BTBD9: variants seen among roughly 807,000 people sequenced by gnomAD.
BTBD9 encodes the protein BTB/POZ domain-containing protein 9.
In BTBD9, 49 loss-of-function variants were observed where a neutral mutation model predicts 64.3. The ratio of observed to expected loss-of-function variants is 0.76; its 90% CI spans 0.61 to 0.97. The LOEUF is 0.97. Among genes scored for constraint, BTBD9 ranks in the 50% least tolerant of loss-of-function variants. The pLI is 0.00. For synonymous variants in BTBD9, 260 were observed against 274.7 expected (o/e 0.95, Z 0.53); for missense variants, 598 against 762.1 (o/e 0.78, Z 2.53).
At chr6:38,577,251 T>G (rs1359448276) in intron 6 of BTBD9, among the ~76,000 whole-genome samples, 2 of 152,214 alleles carry the variant, frequency 1.3e-5, no homozygotes, top group Admixed American at 6.5e-5. Flanking sequence ...ATGCACCCCC[T>G]AACAATAATT....
chr6:38,198,082 GA>G (rs1252673227), intron 9 of BTBD9, among the ~76,000 whole-genome samples: 19 of 152,180 alleles, frequency 1.2e-4, no homozygotes, highest in Admixed American at 1.2e-3. Flanking sequence ...CAATTCTGGG[GA>G]TAAGTATGTG....
At chr6:38,550,923 T>C (rs1213851608) in intron 6 of BTBD9, among the ~76,000 whole-genome samples, 1 of 152,168 alleles carries the variant, frequency 6.6e-6, no homozygotes, top group East Asian at 1.9e-4. Flanking sequence ...CTTATACTAC[T>C]TTCTCTTCAG....
chr6:38,436,709 T>C lies in BTBD9; in HGVS notation c.1155-91616A>G, dbSNP rs1476182706. 1.3e-5 allele frequency among the ~76,000 whole-genome samples: 2 copies of C among 150,018 alleles called. 1 individual carries two copies. Among genetic ancestry groups the C allele is most frequent in the African/African-American group, 5.1e-5 (2 of 39,396 alleles). On this transcript the variant is annotated intron_variant, in intron 6 of 10. Transcript: ENST00000481247. ...AATTTGGATATATGTTGACATCAAC[T>C]TTCTCATTCAAGGGGTTTTTCATAA...
intron 6 of BTBD9, among the ~76,000 whole-genome samples, chr6:38,423,367 C>T (rs1323874169): frequency 6.6e-6 from 1 of 152,056 alleles, no homozygotes; most frequent in Non-Finnish European, 1.5e-5. Context: ...TACAGTGGCA[C>T]GATCTCAGCT....
chr6:38,297,840 T>C (rs1762214788), intron 7 of BTBD9, among the ~76,000 whole-genome samples: 1 of 150,832 alleles, frequency 6.6e-6, no homozygotes, highest in African/African-American at 2.4e-5. Context: ...GCTCCAGTTT[T>C]CTTTTTTTTT....
chr6:38,363,430 T>C (rs1765053420), intron 6 of BTBD9, among the ~76,000 whole-genome samples: 1 of 152,166 alleles, frequency 6.6e-6, no homozygotes, highest in Non-Finnish European at 1.5e-5. Flanking sequence ...ACCTAAACAA[T>C]TAGTTGAGCA....
intron 6 of BTBD9, among the ~76,000 whole-genome samples, chr6:38,435,958 C>T (rs1025795188): frequency 4.0e-5 from 6 of 151,716 alleles, no homozygotes; most frequent in Admixed American, 2.0e-4. Context: ...TATGAGCCAC[C>T]TCACCCAGCC....
chr6:38,537,384 C>G lies in BTBD9; in HGVS notation c.1154+40216G>C, dbSNP rs150358610. ...GTTTGAATTTCTTTTTATTATCTTC[C>G]ACAAATGGCCAGCAGGCCTTCTGAT... On this transcript the variant is annotated intron_variant, in intron 6 of 10. Coordinates refer to ENST00000481247, the MANE Select transcript of BTBD9 (RefSeq NM_001099272.2). Among the ~76,000 whole-genome samples, 107 of 152,302 alleles carry G rather than the reference C, an allele frequency of 7.0e-4. 1 individual carries two copies. Among genetic ancestry groups the G allele is most frequent in the African/African-American group, 2.5e-3 (103 of 41,570 alleles).
At chr6:38,217,874 T>C (rs959125305) in intron 9 of BTBD9, among the ~76,000 whole-genome samples, 42 of 152,078 alleles carry the variant, frequency 2.8e-4, no homozygotes, top group Admixed American at 1.1e-3. Flanking sequence ...TGGCAGAGGC[T>C]GCTGTAAACT....
At chr6:38,348,463 T>G (rs562588482) in intron 6 of BTBD9, among the ~76,000 whole-genome samples, 2 of 152,214 alleles carry the variant, frequency 1.3e-5, no homozygotes, top group Non-Finnish European at 2.9e-5. Flanking sequence ...AGATATCCTT[T>G]GTTCTTGCTG....
chr6:38,485,090 T>C (rs1348793886), intron 6 of BTBD9, among the ~76,000 whole-genome samples: 1 of 152,254 alleles, frequency 6.6e-6, no homozygotes, highest in Non-Finnish European at 1.5e-5. Context: ...GCCTAAATCT[T>C]TTGTTCTAGA....
At chr6:38,436,023 C>T (rs1019062490) in intron 6 of BTBD9, among the ~76,000 whole-genome samples, 17 of 151,768 alleles carry the variant, frequency 1.1e-4, no homozygotes, top group Non-Finnish European at 2.2e-4. Context: ...TATTAACATT[C>T]TAAGTACAAA....
intron 9 of BTBD9, among the ~76,000 whole-genome samples, chr6:38,209,112 C>G (rs1251056271): frequency 6.6e-6 from 1 of 152,212 alleles, no homozygotes; most frequent in Non-Finnish European, 1.5e-5. Flanking sequence ...GAAGATCTGG[C>G]ATGCATGAGT....
At chr6:38,622,388 TG>T (rs1562433839) in intron 1 of BTBD9, among the ~76,000 whole-genome samples, 1 of 152,226 alleles carries the variant, frequency 6.6e-6, no homozygotes, top group Non-Finnish European at 1.5e-5. Context: ...TCCTAATTCA[TG>T]AAATAATTCC....
chr6:38,450,169 C>A (rs894765757), intron 6 of BTBD9, among the ~76,000 whole-genome samples: 2 of 152,150 alleles, frequency 1.3e-5, no homozygotes, highest in African/African-American at 4.8e-5. Flanking sequence ...GCCAGAAAGA[C>A]AAATACTGCA....
intron 6 of BTBD9, among the ~76,000 whole-genome samples, chr6:38,547,922 C>T (rs538021809): frequency 6.6e-6 from 1 of 152,266 alleles, no homozygotes; most frequent in African/African-American, 2.4e-5. Flanking sequence ...TGTAGACTTT[C>T]AGTAATTATG....
intron 10 of BTBD9, among the ~76,000 whole-genome samples, chr6:38,189,918 C>T (rs1293513994): frequency 6.6e-6 from 1 of 151,808 alleles, no homozygotes; most frequent in Non-Finnish European, 1.5e-5. Context: ...AAGTGATCCA[C>T]CTGCCTTGGC....
chr6:38,435,042 A>C (rs1768649573), intron 6 of BTBD9, among the ~76,000 whole-genome samples: 1 of 151,784 alleles, frequency 6.6e-6, no homozygotes, highest in Non-Finnish European at 1.5e-5. Flanking sequence ...TAAAAATACA[A>C]AATTAGCCAG....
At chr6:38,178,189 A>G (rs17678747) in intron 10 of BTBD9, among the ~76,000 whole-genome samples, 51,129 of 152,090 alleles carry the variant, frequency 0.34, 9,540 homozygotes, top group Non-Finnish European at 0.43. Flanking sequence ...CCTGTATTAA[A>G]TCACAAACTG....
Sources: allele counts gnomAD v4.1 joint callset (sites outside exome capture counted in the v4.1 genomes callset), GRCh38; gene constraint gnomAD v4.1.1; transcripts MANE v1.5; gene names NCBI Gene and HGNC (gene_info 2026-07-23, HGNC 2026-07-21).